Variants in MN1 observed in about 807,000 individuals in gnomAD.
MN1 encodes MN1 proto-oncogene, transcriptional regulator, also known as transcriptional activator MN1.
A neutral mutation model predicts 86.9 loss-of-function variants in MN1; 19 were observed. The observed-to-expected ratio is 0.22, with a 90% CI of 0.15 to 0.32. The LOEUF (loss-of-function observed/expected upper bound fraction) is 0.32, where lower values mean the gene tolerates loss of function less well. MN1 is among the 10% of genes least tolerant of loss of function. The pLI, the probability that MN1 is intolerant of heterozygous loss-of-function variation, is 1.00. For missense variants in MN1, 1,841 were observed against 1,862.0 expected (o/e 0.99, Z 0.21); for synonymous variants, 928 against 849.6 (o/e 1.09, Z -1.60).
intron 1 of MN1, among the ~76,000 whole-genome samples, chr22:27,792,889 GC>G (rs376471092): frequency 1.3e-5 from 2 of 151,826 alleles, no homozygotes; most frequent in African/African-American, 2.4e-5. Context: ...GGACCTACCT[GC>G]CCCCCCGCCC....
Position 27,798,171 on chromosome 22 carries a change from G to A in MN1, c.2373C>T (p.Phe791=), listed in dbSNP as rs779903823. 10 of 1,579,546 alleles carry A rather than the reference G, an allele frequency of 6.3e-6. 1 individual carries two copies. Among genetic ancestry groups the A allele is most frequent in the South Asian group, 5.8e-5 (5 of 86,800 alleles). Residue 791 remains phenylalanine, a synonymous_variant, in exon 1 of 2, where the codon TTC becomes TTT. Transcript: ENST00000302326. Reference sequence around the variant, plus strand: ...TGGCCGAGGTGCGCTGGCTGGGCTGGAAATCAGGCTGCGGCGGGTAGGCAC... The same window carrying A: ...TGGCCGAGGTGCGCTGGCTGGGCTGAAAATCAGGCTGCGGCGGGTAGGCAC... ...GGGAYPPQPD[F]QPSQRTSASK... is the part of the protein sequence containing the mutation.
chr22:27,770,649 T>TATTTC (rs1185345445), intron 1 of MN1, among the ~76,000 whole-genome samples: 3 of 148,114 alleles, frequency 2.0e-5, no homozygotes, highest in Non-Finnish European at 4.4e-5. Flanking sequence ...CAAACCTGGT[T>TATTTC]ATTTTATTTT....
intron 1 of MN1, among the ~76,000 whole-genome samples, chr22:27,783,752 T>C (rs929500142): frequency 1.3e-5 from 2 of 152,220 alleles, no homozygotes; most frequent in East Asian, 1.9e-4. Context: ...CAGTGCCATA[T>C]TGATAGTGAA....
At position 27,790,055 on chromosome 22, in the gene MN1, T is replaced by A. The variant is rs182735220; in HGVS notation, c.3781+6708A>T. On this transcript the variant is annotated intron_variant, in intron 1 of 1. Coordinates refer to ENST00000302326, the MANE Select transcript of MN1 (RefSeq NM_002430.3). ...AACCCGTGGCCATTTCTCCCCTCTG[T>A]GCCCTTTTGGGCAAACACCGGGTTG... is the stretch of plus-strand genomic sequence containing the variant. Among the ~76,000 whole-genome samples the A allele has an allele frequency of 1.2e-4, 18 of 152,374 alleles. No individual in the cohort carries two copies. In the East Asian group the frequency reaches 3.5e-3, roughly 29 times the overall value.
At position 27,798,827 on chromosome 22, in the gene MN1, G is replaced by T. The variant is rs1390275283; in HGVS notation, c.1717C>A (p.Pro573Thr). The change falls in exon 1 of 2, where the codon CCC becomes ACC. Residue 573 changes from proline (P) to threonine (T), a missense_variant. Coordinates refer to ENST00000302326, the MANE Select transcript of MN1 (RefSeq NM_002430.3). ...SRNQQQRLRQ[P>T]NLAQLGHPGD... ...GGGTGGCCTAGCTGAGCCAGGTTGG[G>T]CTGGCGCAGCCGCTGCTGCTGATTC... 2 of 1,538,182 alleles carry T rather than the reference G, an allele frequency of 1.3e-6. No individual in the cohort carries two copies. Among genetic ancestry groups the T allele is most frequent in the Non-Finnish European group, 1.7e-6 (2 of 1,146,544 alleles).
rs1174290069 is a variant in MN1 at position 27,751,071 on chromosome 22, G to A, written c.3807C>T (p.Ala1269=). ...KEAHDLPANK[A]SASQPGSHLQ... The stretch of plus-strand genomic sequence containing the variant: ...AGTGGCTGCCAGGCTGGGATGCTGA[G>A]GCCTTGTTTGCAGGGAGGTCGTGGG... The change falls in exon 2 of 2, where the codon GCC becomes GCT. Residue 1269 remains alanine (A), a synonymous_variant. Coordinates refer to ENST00000302326, the MANE Select transcript of MN1 (RefSeq NM_002430.3). 5.7e-6 allele frequency: 9 copies of A among 1,589,366 alleles called. No homozygotes were observed. Among genetic ancestry groups the A allele is most frequent in the African/African-American group, 2.7e-5 (2 of 74,266 alleles).
In MN1 at chr22:27,750,708, A is replaced by G; in HGVS notation, c.*207T>C. 1 of 425,190 alleles carries G rather than the reference A, an allele frequency of 2.4e-6. No homozygotes were observed. The highest frequency in any genetic ancestry group is 4.1e-6 in the Non-Finnish European group (1 of 242,814). 26.3% of individuals were successfully genotyped at this position (425,190 alleles called of 1,614,324 possible). On this transcript the variant is annotated 3_prime_UTR_variant, in exon 2 of 2. Transcript: ENST00000302326. Reference sequence around the variant, plus strand: ...TGGCAGACAAGTTTCTTTTTTAAAAAAACTTTTGAGGTTCCCCCCCTTTAA... The same window carrying G: ...TGGCAGACAAGTTTCTTTTTTAAAAGAACTTTTGAGGTTCCCCCCCTTTAA...
At chr22:27,783,338 G>C in intron 1 of MN1, among the ~76,000 whole-genome samples, 1 of 152,032 alleles carries the variant, frequency 6.6e-6, no homozygotes, top group East Asian at 1.9e-4. Context: ...TACCATGTTG[G>C]CCATGCTGGT....
chr22:27,778,978 C>T (rs1933014972), intron 1 of MN1, among the ~76,000 whole-genome samples: 2 of 152,184 alleles, frequency 1.3e-5, no homozygotes, highest in Admixed American at 6.5e-5. Flanking sequence ...AATTCCCATA[C>T]AGGGGCATCC....
chr22:27,800,850 G>A lies in MN1; in HGVS notation c.-307C>T. 2.1e-6 allele frequency: 1 copy of A among 482,022 alleles called. No individual in the cohort carries two copies. The highest frequency in any genetic ancestry group is 3.7e-6 in the Non-Finnish European group (1 of 269,484). 29.9% of individuals were successfully genotyped at this position (482,022 alleles called of 1,614,324 possible). On this transcript the variant is annotated 5_prime_UTR_variant, in exon 1 of 2. Coordinates refer to ENST00000302326, the MANE Select transcript of MN1 (RefSeq NM_002430.3). ...TCACAGCCGCGGGTGGGTCTGCGGG[G>A]AGGGGACGAAGCCGCGGATGAACGG...
chr22:27,778,031 C>T (rs1481709475), intron 1 of MN1, among the ~76,000 whole-genome samples: 1 of 152,170 alleles, frequency 6.6e-6, no homozygotes, highest in Non-Finnish European at 1.5e-5. Flanking sequence ...CATGGTTTGT[C>T]TGGTAACTGC....
At chr22:27,768,378 C>G (rs1162257176) in intron 1 of MN1, among the ~76,000 whole-genome samples, 2 of 152,164 alleles carry the variant, frequency 1.3e-5, no homozygotes, top group African/African-American at 4.8e-5. Flanking sequence ...AAGCATTTAC[C>G]CTCCTATGCA....
At chr22:27,772,228 T>C (rs1263595154) in intron 1 of MN1, among the ~76,000 whole-genome samples, 1 of 152,212 alleles carries the variant, frequency 6.6e-6, no homozygotes, top group African/African-American at 2.4e-5. Flanking sequence ...CAGCAGGGGC[T>C]GGGCCAACTC....
intron 1 of MN1, among the ~76,000 whole-genome samples, chr22:27,753,563 C>T (rs1471271704): frequency 6.6e-6 from 1 of 152,184 alleles, no homozygotes. Context: ...TTCCTGGGGC[C>T]CAGCTAGGTG....
chr22:27,766,110 G>T (rs1045610025), intron 1 of MN1, among the ~76,000 whole-genome samples: 1 of 152,202 alleles, frequency 6.6e-6, no homozygotes, highest in African/African-American at 2.4e-5. Flanking sequence ...CCGGACGCTG[G>T]CTGTGTGATT....
Position 27,789,489 on chromosome 22 carries a change from C to T in MN1, c.3781+7274G>A, listed in dbSNP as rs117837437. On this transcript the variant is annotated intron_variant, in intron 1 of 1. Coordinates refer to ENST00000302326, the MANE Select transcript of MN1 (RefSeq NM_002430.3). ...TGGGAATAAGATGGAAGCTTCTGGGCACATAGTTGATCCTATAAACTCCAG... is the reference window on the plus strand; with the variant it reads ...TGGGAATAAGATGGAAGCTTCTGGGTACATAGTTGATCCTATAAACTCCAG... Among the ~76,000 whole-genome samples the T allele has an allele frequency of 8.4e-3, 1,284 of 152,260 alleles. 5 individuals are homozygous for T. The highest frequency in any genetic ancestry group is 0.012 in the Non-Finnish European group (790 of 68,016).
Position 27,799,285 on chromosome 22 carries a change from T to G in MN1, c.1259A>C (p.His420Pro), listed in dbSNP as rs1933383069. ...GCTGAAAACAGGCTCGGAATAAGGGTGCATGCTCCGGTTCTCCAGCCGGTG... is the reference window on the plus strand; with the variant it reads ...GCTGAAAACAGGCTCGGAATAAGGGGGCATGCTCCGGTTCTCCAGCCGGTG... ...PIHRLENRSM[H>P]PYSEPVFSMQ... Residue 420 changes from histidine to proline, a missense_variant, in exon 1 of 2, where the codon CAC becomes CCC. His to Pro is a moderately conservative substitution (Grantham distance 77). Coordinates refer to ENST00000302326, the MANE Select transcript of MN1 (RefSeq NM_002430.3). 6.3e-7 allele frequency: 1 copy of G among 1,586,206 alleles called. No homozygotes were observed.
chr22:27,798,628 G>A lies in MN1; in HGVS notation c.1916C>T (p.Pro639Leu), dbSNP rs1374212365. The A allele has an allele frequency of 1.3e-6, 2 of 1,562,020 alleles. No individual in the cohort carries two copies. Among genetic ancestry groups the A allele is most frequent in the Admixed American group, 1.8e-5 (1 of 55,116 alleles). ...CATCCTACGGGGCAGCAGGTCTCCG[G>A]GCGGCGGATGCGGACCTGAGAACCA... is the stretch of plus-strand genomic sequence containing the variant. Reference protein sequence around the residue: ...SAWFSGPHPPPGDLLPRRMGG... With the variant: ...SAWFSGPHPPLGDLLPRRMGG... Residue 639 changes from proline (P) to leucine (L), a missense_variant, in exon 1 of 2, where the codon CCC becomes CTC. Transcript: ENST00000302326.
intron 1 of MN1, among the ~76,000 whole-genome samples, chr22:27,785,042 C>T (rs1372731526): frequency 2.8e-5 from 4 of 142,390 alleles, no homozygotes; most frequent in African/African-American, 1.0e-4. Flanking sequence ...TATAGATGTG[C>T]GTGCTGGCAT....
Sources: gnomAD v4.1 joint callset for allele counts (sites outside exome capture counted in the v4.1 genomes callset) on GRCh38, gnomAD v4.1.1 for gene constraint, MANE v1.5 for transcripts, NCBI Gene and HGNC (gene_info 2026-07-23, HGNC 2026-07-21) for gene names.